EPB41L2: variants seen among roughly 807,000 people sequenced by gnomAD.
EPB41L2 encodes erythrocyte membrane protein band 4.1 like 2.
A neutral mutation model predicts 113.0 loss-of-function variants in EPB41L2; 43 were observed. The observed-to-expected ratio is 0.38, with a 90% CI of 0.30 to 0.49. The LOEUF is 0.49. EPB41L2 is among the 20% of genes least tolerant of loss of function. The pLI is 0.95. For synonymous variants in EPB41L2, 442 were observed against 436.7 expected, an observed-to-expected ratio of 1.01 and a Z score of -0.15; for missense variants, 1,147 against 1,223.4, an observed-to-expected ratio of 0.94 and a Z score of 0.93.
intron 1 of EPB41L2, among the ~76,000 whole-genome samples, chr6:131,001,225 G>A (rs545125457): frequency 5.3e-4 from 81 of 152,192 alleles, no homozygotes; most frequent in African/African-American, 1.9e-3. Context: ...TCACGTCTAC[G>A]TCCTGACACT....
chr6:130,912,021 C>T (rs1397091944), intron 4 of EPB41L2, among the ~76,000 whole-genome samples: 3 of 152,182 alleles, frequency 2.0e-5, no homozygotes, highest in African/African-American at 7.2e-5. Context: ...TGTCAGATCA[C>T]CACCCGCGTT....
At chr6:130,954,036 CTTTCTTTTTTTTTTT>C (rs1816355781) in intron 3 of EPB41L2, among the ~76,000 whole-genome samples, 2 of 45,522 alleles carry the variant, frequency 4.4e-5, no homozygotes, top group African/African-American at 1.2e-4. Context: ...TAGTCCTTTT[CTTTCTTTTTTTTTTT>C]TTTTTTTTTT....
chr6:131,050,686 A>T (rs1463964616), intron 1 of EPB41L2, among the ~76,000 whole-genome samples: 1 of 152,216 alleles, frequency 6.6e-6, no homozygotes, highest in African/African-American at 2.4e-5. Flanking sequence ...TGAAATTTTC[A>T]CCCTTACAAT....
chr6:130,899,057 C>G (rs1583222637), intron 8 of EPB41L2, among the ~76,000 whole-genome samples: 1 of 152,084 alleles, frequency 6.6e-6, no homozygotes, highest in East Asian at 1.9e-4. Flanking sequence ...CTTCATCAAA[C>G]ATAAGCTTTT....
At chr6:131,025,098 C>A (rs940144106) in intron 1 of EPB41L2, among the ~76,000 whole-genome samples, 1 of 151,872 alleles carries the variant, frequency 6.6e-6, no homozygotes, top group African/African-American at 2.4e-5. Context: ...TATAAATTAT[C>A]TGAGGGGAAA....
intron 1 of EPB41L2, among the ~76,000 whole-genome samples, chr6:131,029,716 G>A (rs943096309): frequency 1.3e-5 from 2 of 152,136 alleles, no homozygotes; most frequent in African/African-American, 2.4e-5. Flanking sequence ...AGAGATGCCT[G>A]TCAAATTACA....
intron 3 of EPB41L2, among the ~76,000 whole-genome samples, chr6:130,954,114 G>A (rs144675273): frequency 0.029 from 3,753 of 129,224 alleles, 178 homozygotes; most frequent in African/African-American, 0.1. Flanking sequence ...GTGCAGTGGC[G>A]CAATCTCAGC....
intron 14 of EPB41L2, chr6:130,872,589 GA>G (rs1297886977): frequency 8.3e-7 from 1 of 1,205,674 alleles, no homozygotes; most frequent in Non-Finnish European, 1.1e-6. Context: ...AGTCAGAACA[GA>G]CAGCAGTGAC....
chr6:130,949,141 G>A (rs547430606), intron 3 of EPB41L2, among the ~76,000 whole-genome samples: 120 of 152,224 alleles, frequency 7.9e-4, no homozygotes, highest in African/African-American at 2.8e-3. Context: ...ATAAATTTAA[G>A]AATCTCTATT....
intron 5 of EPB41L2, among the ~76,000 whole-genome samples, chr6:130,908,607 A>T (rs775786817): frequency 6.6e-6 from 1 of 152,234 alleles, no homozygotes; most frequent in Admixed American, 6.5e-5. Context: ...TTCTGAGTGA[A>T]TATTTAGGAA....
chr6:131,028,838 T>C (rs1287934623), intron 1 of EPB41L2, among the ~76,000 whole-genome samples: 1 of 152,216 alleles, frequency 6.6e-6, no homozygotes, highest in East Asian at 1.9e-4. Flanking sequence ...GTAATAATTA[T>C]CTAAAGCAAC....
At chr6:130,892,500 AG>A (rs1562411395) in intron 10 of EPB41L2, among the ~76,000 whole-genome samples, 1 of 147,710 alleles carries the variant, frequency 6.8e-6, no homozygotes, top group Admixed American at 7.0e-5. Context: ...GCTTTATATG[AG>A]CTGGCTCATG....
Position 130,899,527 on chromosome 6 carries a change from C to A in EPB41L2, c.1200G>T (p.Arg400Ser). Residue 400 changes from arginine (R) to serine (S), a missense_variant, in exon 8 of 20, where the codon AGG (arginine) becomes AGT (serine). Transcript: ENST00000337057. ...GTAGGTCAACACCATACATGGAAAGCCTCTTTGCATTTTCTAAGAACTGGG... is the reference window on the plus strand; with the variant it reads ...GTAGGTCAACACCATACATGGAAAGACTCTTTGCATTTTCTAAGAACTGGG... ...ADSQFLENAK[R>S]LSMYGVDLHH... The A allele has an allele frequency of 1.2e-6, 2 of 1,613,972 alleles. No homozygotes were observed. Among genetic ancestry groups the A allele is most frequent in the Non-Finnish European group, 8.5e-7 (1 of 1,179,864 alleles).
intron 1 of EPB41L2, among the ~76,000 whole-genome samples, chr6:131,014,801 C>T (rs1246999546): frequency 6.6e-6 from 1 of 152,120 alleles, no homozygotes; most frequent in Admixed American, 6.5e-5. Context: ...AGTCAGAGTC[C>T]AACATAAACA....
intron 8 of EPB41L2, among the ~76,000 whole-genome samples, chr6:130,897,599 G>T (rs1035174071): frequency 3.9e-5 from 6 of 152,196 alleles, no homozygotes; most frequent in African/African-American, 1.4e-4. Flanking sequence ...TTTGCATGTG[G>T]TAAGAATGGC....
intron 3 of EPB41L2, among the ~76,000 whole-genome samples, chr6:130,947,277 T>C (rs1275271227): frequency 6.6e-6 from 1 of 152,098 alleles, no homozygotes; most frequent in Non-Finnish European, 1.5e-5. Context: ...GCACAGCCCA[T>C]GCTTTGAGTG....
At chr6:130,992,358 A>G (rs1782076218) in intron 1 of EPB41L2, among the ~76,000 whole-genome samples, 1 of 152,128 alleles carries the variant, frequency 6.6e-6, no homozygotes, top group Non-Finnish European at 1.5e-5. Flanking sequence ...CACTCAAGTA[A>G]TCAAATCCCT....
chr6:130,947,653 T>A (rs1262305932), intron 3 of EPB41L2, among the ~76,000 whole-genome samples: 2 of 152,062 alleles, frequency 1.3e-5, no homozygotes, highest in South Asian at 2.1e-4. Flanking sequence ...CATCAGCATA[T>A]CATCCAATCT....
rs556187042 is a variant in EPB41L2, at chr6:130,949,411, G to A, written c.705+5694C>T. On this transcript the variant is annotated intron_variant, in intron 3 of 19. Coordinates refer to ENST00000337057, the MANE Select transcript of EPB41L2 (RefSeq NM_001431.4). ...GAGCCCAGTAATTGAGACCTACCTG[G>A]GCAACAAAGCAAGACTTCATCTCTA... Among the ~76,000 whole-genome samples the A allele has an allele frequency of 4.6e-5, 7 of 152,184 alleles. No individual in the cohort carries two copies. In the East Asian group the frequency reaches 1.4e-3, roughly 29 times the overall value.
Sources: allele counts gnomAD v4.1 joint callset (sites outside exome capture counted in the v4.1 genomes callset), GRCh38; gene constraint gnomAD v4.1.1; transcripts MANE v1.5; gene names NCBI Gene and HGNC (gene_info 2026-07-23, HGNC 2026-07-21).